The following IMPG1 variants were observed in gnomAD, a reference collection of about 807,000 sequenced individuals.
IMPG1 encodes the protein interphotoreceptor matrix proteoglycan 1, also known as interphotoreceptor matrix proteoglycan of 150 kDa.
IMPG1 carries 85 observed loss-of-function variants against 92.0 expected under a neutral mutation model. The ratio of observed to expected loss-of-function variants is 0.92; its 90% confidence interval spans 0.78 to 1.11. The LOEUF (loss-of-function observed/expected upper bound fraction) is 1.11. IMPG1 is among the 50% of genes least tolerant of loss of function. The probability of loss-of-function intolerance (pLI) is 0.00; values close to 1 mark genes in which losing one functional copy is unlikely to be tolerated. For missense variants in IMPG1, 1,022 were observed against 956.0 expected, an observed-to-expected ratio of 1.07 and a Z score of -0.91; for synonymous variants, 367 against 334.1, an observed-to-expected ratio of 1.10 and a Z score of -1.08.
intron 12 of IMPG1, among the ~76,000 whole-genome samples, chr6:75,965,599 A>C (rs1273251573): frequency 1.7e-5 from 2 of 119,974 alleles, no homozygotes; most frequent in East Asian, 2.4e-4. Flanking sequence ...TTTTCTACAT[A>C]CTTGTTCTTT....
At chr6:75,983,358 G>A (rs542871799) in intron 12 of IMPG1, among the ~76,000 whole-genome samples, 26 of 152,020 alleles carry the variant, frequency 1.7e-4, no homozygotes, top group Admixed American at 3.3e-4. Context: ...AAATAGCATG[G>A]TACTGGCATA....
At chr6:76,017,477 T>C (rs1486436601) in intron 7 of IMPG1, among the ~76,000 whole-genome samples, 1 of 152,218 alleles carries the variant, frequency 6.6e-6, no homozygotes, top group East Asian at 1.9e-4. Context: ...AAAGACAAAG[T>C]ATTATGAATT....
chr6:75,993,259 G>A (rs1392381673), intron 12 of IMPG1, among the ~76,000 whole-genome samples: 11 of 152,134 alleles, frequency 7.2e-5, no homozygotes, highest in Admixed American at 6.5e-4. Context: ...CGGGGCATTG[G>A]TATTTAAATT....
chr6:76,055,142 A>G (rs1395686838), intron 1 of IMPG1, among the ~76,000 whole-genome samples: 1 of 152,072 alleles, frequency 6.6e-6, no homozygotes, highest in Non-Finnish European at 1.5e-5. Context: ...GAGGGAAAAT[A>G]AACAAACATT....
chr6:76,043,965 A>G (rs1420676051), intron 1 of IMPG1, among the ~76,000 whole-genome samples: 1 of 152,246 alleles, frequency 6.6e-6, no homozygotes, highest in Non-Finnish European at 1.5e-5. Context: ...GACTTAAGCC[A>G]TGTGCCTGGA....
At chr6:75,924,578 T>A (rs1220307199) in intron 15 of IMPG1, among the ~76,000 whole-genome samples, 409 of 17,354 alleles carry the variant, frequency 0.024, 70 homozygotes, top group Non-Finnish European at 0.038. Context: ...TATATATAAT[T>A]AATATAATTA....
chr6:75,952,345 CTCAG>C (rs1422310551), intron 12 of IMPG1, among the ~76,000 whole-genome samples: 1 of 152,150 alleles, frequency 6.6e-6, no homozygotes, highest in Non-Finnish European at 1.5e-5. Flanking sequence ...TCTCTGGACT[CTCAG>C]TCAGCTAATT....
intron 12 of IMPG1, among the ~76,000 whole-genome samples, chr6:75,963,646 T>A (rs963283609): frequency 2.6e-5 from 4 of 152,190 alleles, no homozygotes; most frequent in African/African-American, 9.7e-5. Context: ...AACAAGGGAA[T>A]GCTTAATTAA....
intron 14 of IMPG1, among the ~76,000 whole-genome samples, chr6:75,936,780 C>T (rs1326526497): frequency 2.6e-5 from 4 of 152,082 alleles, no homozygotes; most frequent in African/African-American, 9.7e-5. Context: ...GCCAATTGTC[C>T]CAGGATCAGC....
At chr6:76,003,372 A>G (rs1437148346) in intron 11 of IMPG1, among the ~76,000 whole-genome samples, 1 of 152,212 alleles carries the variant, frequency 6.6e-6, no homozygotes, top group African/African-American at 2.4e-5. Context: ...TTAAATAAAC[A>G]TAGGTTTAAA....
chr6:75,949,407 C>G (rs1291978276), intron 13 of IMPG1, among the ~76,000 whole-genome samples: 1 of 152,178 alleles, frequency 6.6e-6, no homozygotes, highest in Non-Finnish European at 1.5e-5. Flanking sequence ...AATGCCATGG[C>G]AATGTCAGGA....
chr6:76,056,017 T>G (rs1784114728), intron 1 of IMPG1, among the ~76,000 whole-genome samples: 2 of 151,930 alleles, frequency 1.3e-5, no homozygotes, highest in Non-Finnish European at 2.9e-5. Flanking sequence ...TTATAAAACT[T>G]GACAAAACGA....
intron 14 of IMPG1, chr6:75,935,038 G>A (rs986834088): frequency 4.3e-6 from 2 of 470,350 alleles, no homozygotes; most frequent in South Asian, 3.1e-5. Flanking sequence ...CTGAGGTCCC[G>A]TTGGGTCTCT....
chr6:76,027,677 G>T (rs991273695), intron 4 of IMPG1, among the ~76,000 whole-genome samples: 1 of 152,160 alleles, frequency 6.6e-6, no homozygotes, highest in Non-Finnish European at 1.5e-5. Flanking sequence ...TCAAAAAAAG[G>T]TATTATATGG....
chr6:76,020,704 T>C (rs1429284497), intron 6 of IMPG1, among the ~76,000 whole-genome samples: 1 of 152,192 alleles, frequency 6.6e-6, no homozygotes, highest in Non-Finnish European at 1.5e-5. Flanking sequence ...ACATGGCTAA[T>C]GAGTGAGGAC....
chr6:76,056,033 AG>A lies in IMPG1; in HGVS notation c.68-13908del, dbSNP rs1415265667. 3.9e-5 allele frequency among the ~76,000 whole-genome samples: 6 copies of A among 152,180 alleles called. No individual in the cohort carries two copies. The East Asian group carries it at 1.2e-3, about 29-fold the overall frequency. Reference sequence around the variant, plus strand: ...TATAAAACTTGACAAAACGAGTATGAGAAAAAATTTATGGTCCGAGCTTGCT... The same window carrying A: ...TATAAAACTTGACAAAACGAGTATGAAAAAAATTTATGGTCCGAGCTTGCT... On this transcript the variant is annotated intron_variant, in intron 1 of 16. Coordinates refer to ENST00000369950, the MANE Select transcript of IMPG1 (RefSeq NM_001563.4).
chr6:75,947,867 A>G (rs1189052180), intron 13 of IMPG1, among the ~76,000 whole-genome samples: 2 of 152,170 alleles, frequency 1.3e-5, no homozygotes, highest in Admixed American at 6.5e-5. Flanking sequence ...TAAAAAAAAA[A>G]AAACCCAAGT....
chr6:75,990,588 T>TACACACACACACACACACACACACAC (rs112985372), intron 12 of IMPG1, among the ~76,000 whole-genome samples: 2 of 144,910 alleles, frequency 1.4e-5, no homozygotes, highest in African/African-American at 5.1e-5. Context: ...ACCCCACCTC[T>TACACACACACACACACACACACACAC]ACACACACAC....
chr6:76,015,800 C>CAAAAAAAAAAAAAAAAA (rs35389302), intron 7 of IMPG1, among the ~76,000 whole-genome samples: 23 of 66,706 alleles, frequency 3.4e-4, no homozygotes, highest in African/African-American at 6.2e-4. Context: ...AACTCTGTCT[C>CAAAAAAAAAAAAAAAAA]AAAAAAAAAA....
Sources: allele counts gnomAD v4.1 joint callset (sites outside exome capture counted in the v4.1 genomes callset), GRCh38; gene constraint gnomAD v4.1.1; transcripts MANE v1.5; gene names NCBI Gene and HGNC (gene_info 2026-07-23, HGNC 2026-07-21).